Variants in GCFC2 observed in about 807,000 individuals in gnomAD.
The protein encoded by GCFC2 is GC-rich sequence DNA-binding factor 2.
In GCFC2, 102 loss-of-function variants were observed where a neutral mutation model predicts 99.4. The observed-to-expected ratio is 1.03, with a 90% CI of 0.87 to 1.21. The LOEUF (loss-of-function observed/expected upper bound fraction) is 1.21. Ranked by LOEUF, GCFC2 falls within the 50% of genes most tolerant of loss-of-function variation. The probability of loss-of-function intolerance (pLI) is 0.00; values close to 1 mark genes in which losing one functional copy is unlikely to be tolerated. For missense variants in GCFC2, 973 were observed against 920.9 expected (o/e 1.06, Z -0.73); for synonymous variants, 338 against 316.8 (o/e 1.07, Z -0.71).
At chr2:75,667,317 T>G (rs1678887828) in intron 15 of GCFC2, among the ~76,000 whole-genome samples, 1 of 151,954 alleles carries the variant, frequency 6.6e-6, no homozygotes, top group Non-Finnish European at 1.5e-5. Flanking sequence ...TCAAGGAAAT[T>G]CCTAGATAAT....
Position 75,696,260 on chromosome 2 carries a change from T to A in GCFC2, c.773A>T (p.Asp258Val), listed in dbSNP as rs758715950. The A allele has an allele frequency of 6.6e-7, 1 of 1,519,662 alleles. No individual in the cohort carries two copies. Among genetic ancestry groups the A allele is most frequent in the South Asian group, 1.1e-5 (1 of 88,720 alleles). The allele number at this position is 1,519,662 out of a possible 1,614,324, so 94.1% of individuals were successfully genotyped here. The change falls in exon 5 of 17, where the codon GAT (aspartate) becomes GTT (valine). Residue 258 changes from aspartate (D) to valine (V), a missense_variant. Coordinates refer to ENST00000321027, the MANE Select transcript of GCFC2 (RefSeq NM_003203.5). Reference sequence around the variant, plus strand: ...TACTGGCGGAAATGAAATGGAAGTATCAAATTTCTTCACTTTTGAAGATCC... The same window carrying A: ...TACTGGCGGAAATGAAATGGAAGTAACAAATTTCTTCACTTTTGAAGATCC... The part of the protein sequence containing the change: ...GNGSSKVKKF[D>V]TSISFPPVNL...
In GCFC2 at chr2:75,705,448, C is replaced by G. The variant is rs549080015; in HGVS notation, c.394+1075G>C. On this transcript the variant is annotated intron_variant, in intron 2 of 16. Transcript: ENST00000321027. The stretch of plus-strand genomic sequence containing the variant: ...ACCATCTTGGCTAACACGGTGAAAC[C>G]CCATCTCTACTAAAAATACAAAAAA... Among the ~76,000 whole-genome samples, 27 of 151,222 alleles carry G rather than the reference C, an allele frequency of 1.8e-4. 1 individual carries two copies. The South Asian group carries it at 5.4e-3, about 31-fold the overall frequency.
rs76250840 is a variant in GCFC2 at position 75,692,361 on chromosome 2, C to T, written c.1021-261G>A. Among the ~76,000 whole-genome samples the T allele has an allele frequency of 9.6e-3, 1,114 of 115,568 alleles. 8 individuals are homozygous for T. Among genetic ancestry groups the T allele is most frequent in the African/African-American group, 0.044 (1,062 of 23,942 alleles). 75.8% of individuals were successfully genotyped at this position (115,568 alleles called of 152,430 possible). A position where few individuals can be genotyped will look rare whatever the true frequency, so the allele number is the denominator to read the frequency against. On this transcript the variant is annotated intron_variant, in intron 6 of 16. Transcript: ENST00000321027. The stretch of plus-strand genomic sequence containing the variant: ...GTTACAATTATCAGAGATAGATAAA[C>T]TAAATGGGGGCCAGGATGTGGTAGC...
At chr2:75,668,079 A>G (rs1382274544) in intron 15 of GCFC2, among the ~76,000 whole-genome samples, 1 of 152,208 alleles carries the variant, frequency 6.6e-6, no homozygotes, top group East Asian at 1.9e-4. Flanking sequence ...CCTGAGTACA[A>G]GAACTGGAAT....
At chr2:75,678,687 C>A (rs1679448658) in intron 12 of GCFC2, among the ~76,000 whole-genome samples, 1 of 152,194 alleles carries the variant, frequency 6.6e-6, no homozygotes, top group African/African-American at 2.4e-5. Flanking sequence ...AATCCTAGTG[C>A]TCATTCATAG....
At chr2:75,684,332 A>G (rs1249544102) in intron 11 of GCFC2, among the ~76,000 whole-genome samples, 1 of 152,210 alleles carries the variant, frequency 6.6e-6, no homozygotes, top group Non-Finnish European at 1.5e-5. Context: ...AACTCACTCA[A>G]AACCGCACAA....
chr2:75,673,503 A>G lies in GCFC2; in HGVS notation c.1830T>C (p.Ile610=). The G allele has an allele frequency of 7.5e-7, 1 of 1,332,812 alleles. No individual in the cohort carries two copies. Among genetic ancestry groups the G allele is most frequent in the Non-Finnish European group, 1.1e-6 (1 of 923,676 alleles). 82.6% of individuals were successfully genotyped at this position (1,332,812 alleles called of 1,614,324 possible). A position where few individuals can be genotyped will look rare whatever the true frequency, so the allele number is the denominator to read the frequency against. Residue 610 remains isoleucine (I), a synonymous_variant, in exon 13 of 17, where the codon ATT becomes ATC. Transcript: ENST00000321027. ...CTACTGCCTTTTTCATTCTTGAAAC[A>G]ATGGATTTAAGTAAATCCTATTATT... is the stretch of plus-strand genomic sequence containing the variant. ...SKSRQDLLKS[I]VSRMKKAVED...
chr2:75,706,769 T>C (rs747373669), intron 1 of GCFC2, 118 bp from the exon 2 acceptor site: 44 of 572,372 alleles, frequency 7.7e-5, no homozygotes, highest in Non-Finnish European at 1.2e-4. Context: ...AGTCCATATA[T>C]TAAAGTAGAC....
In GCFC2 at chr2:75,696,600, G is replaced by C. The variant is rs56775960; in HGVS notation, c.718-285C>G. ...TAATGTACTCTCAGAAAGTCACCCA[G>C]TTTTTTAAGAAACAACAATCCTTCA... On this transcript the variant is annotated intron_variant, in intron 4 of 16. Coordinates refer to ENST00000321027, the MANE Select transcript of GCFC2 (RefSeq NM_003203.5). Among the ~76,000 whole-genome samples, 1,058 of 152,270 alleles carry C rather than the reference G, an allele frequency of 6.9e-3. 8 individuals carry two copies. The highest frequency in any genetic ancestry group is 0.024 in the African/African-American group (1,011 of 41,560).
Position 75,702,270 on chromosome 2 carries a change from T to A in GCFC2, c.548A>T (p.Asp183Val), listed in dbSNP as rs1680633367. 1 of 1,613,248 alleles carries A rather than the reference T, an allele frequency of 6.2e-7. No homozygotes were observed. The highest frequency in any genetic ancestry group is 8.5e-7 in the Non-Finnish European group (1 of 1,179,260). ...ESEDDPESEP[D>V]DHEKRIPFTL... Reference sequence around the variant, plus strand: ...AAATGGTATTCTCTTTTCATGGTCATCAGGCTCACTCTCAGGGTCATCTTC... The same window carrying A: ...AAATGGTATTCTCTTTTCATGGTCAACAGGCTCACTCTCAGGGTCATCTTC... Residue 183 changes from aspartate (D) to valine (V), a missense_variant, in exon 3 of 17, where the codon GAT becomes GTT. Coordinates refer to ENST00000321027, the MANE Select transcript of GCFC2 (RefSeq NM_003203.5).
At position 75,702,407 on chromosome 2, in the gene GCFC2, T is replaced by G; in HGVS notation, c.411A>C (p.Ala137=). 6.2e-7 allele frequency: 1 copy of G among 1,613,388 alleles called. No homozygotes were observed. Among genetic ancestry groups the G allele is most frequent in the Non-Finnish European group, 8.5e-7 (1 of 1,179,440 alleles). Residue 137 remains alanine, a synonymous_variant, in exon 3 of 17, where the codon GCA becomes GCC. Transcript: ENST00000321027. ...ELSSTVKIPD[A]AFIQAARRKR... is the part of the protein sequence containing the mutation. ...TTCTGCGGGCTGCCTGAATAAAAGC[T>G]GCATCTGGGATCTTAACTGAAGGAA...
In GCFC2 at chr2:75,702,211, C is replaced by G; in HGVS notation, c.607G>C (p.Ala203Pro). Residue 203 changes from alanine to proline, a missense_variant, in exon 3 of 17, where the codon GCT (alanine) becomes CCT (proline). Coordinates refer to ENST00000321027, the MANE Select transcript of GCFC2 (RefSeq NM_003203.5). ...LRPQTLRQRM[A>P]EESISRNEET... Reference sequence around the variant, plus strand: ...GGTAAATCCATACTTGATTCCTCAGCCATCCTTTGTCTAAGTGTTTGAGGT... The same window carrying G: ...GGTAAATCCATACTTGATTCCTCAGGCATCCTTTGTCTAAGTGTTTGAGGT... The G allele has an allele frequency of 3.7e-6, 6 of 1,604,924 alleles. No homozygotes were observed. Among genetic ancestry groups the G allele is most frequent in the Non-Finnish European group, 5.1e-6 (6 of 1,171,818 alleles).
rs1573035049 is a variant in GCFC2 at position 75,663,429 on chromosome 2, T to C, written c.*1237A>G. On this transcript the variant is annotated 3_prime_UTR_variant, in exon 17 of 17. Transcript: ENST00000321027. ...TTGCCTCTGTTTTATTAGACAAATA[T>C]TTTATCAGAAAATGAATCACATGTT... 1.3e-5 allele frequency: 2 copies of C among 152,208 alleles called. No homozygotes were observed. Among genetic ancestry groups the C allele is most frequent in the Non-Finnish European group, 2.9e-5 (2 of 68,018 alleles). 9.4% of individuals were successfully genotyped at this position (152,208 alleles called of 1,614,324 possible). A position where few individuals can be genotyped will look rare whatever the true frequency, so the allele number is the denominator to read the frequency against.
chr2:75,698,614 C>A (rs1452897046), intron 4 of GCFC2, among the ~76,000 whole-genome samples: 2 of 152,116 alleles, frequency 1.3e-5, no homozygotes, highest in South Asian at 2.1e-4. Context: ...GGCATCCTAG[C>A]AAATTTAAAG....
chr2:75,708,659 C>A (rs1680978916), intron 1 of GCFC2, among the ~76,000 whole-genome samples: 1 of 151,714 alleles, frequency 6.6e-6, no homozygotes. Context: ...TACAGGCACC[C>A]ACCACCATGC....
In GCFC2 at chr2:75,664,528, C is replaced by A; in HGVS notation, c.*138G>T. On this transcript the variant is annotated 3_prime_UTR_variant, in exon 17 of 17. Transcript: ENST00000321027. ...CCAGAAGGTAAAGCACGGGGGAATA[C>A]AGAGGTGGAGTCCTGCTTTTTTTCA... 3.9e-6 allele frequency: 2 copies of A among 517,702 alleles called. No individual in the cohort carries two copies. The highest frequency in any genetic ancestry group is 3.2e-5 in the East Asian group (1 of 31,472). The allele number at this position is 517,702 out of a possible 1,614,324, so 32.1% of individuals were successfully genotyped here. A position where few individuals can be genotyped will look rare whatever the true frequency, so the allele number is the denominator to read the frequency against.
chr2:75,675,763 A>C (rs935640716), intron 12 of GCFC2, among the ~76,000 whole-genome samples: 1 of 151,734 alleles, frequency 6.6e-6, no homozygotes, highest in African/African-American at 2.4e-5. Context: ...AAAAAACAAA[A>C]AAAAGAAAAG....
chr2:75,680,146 A>G (rs778863027), intron 12 of GCFC2, 47 bp downstream of exon 12: 1 of 1,368,426 alleles, frequency 7.3e-7, no homozygotes, highest in Non-Finnish European at 1.0e-6. Context: ...GAAAATTATA[A>G]TGATTTAGAG....
At chr2:75,697,551 T>G (rs190041046) in intron 4 of GCFC2, 2 of 152,280 alleles carry the variant, frequency 1.3e-5, no homozygotes, top group East Asian at 3.8e-4. Context: ...TCACAGCACC[T>G]GTAGGATTTC....
Sources: gnomAD v4.1 joint callset for allele counts (sites outside exome capture counted in the v4.1 genomes callset) on GRCh38, gnomAD v4.1.1 for gene constraint, MANE v1.5 for transcripts, NCBI Gene and HGNC (gene_info 2026-07-23, HGNC 2026-07-21) for gene names.